Variants in PKD1L1 observed in about 807,000 individuals in gnomAD.
PKD1L1 encodes the protein polycystin 1 like 1, transient receptor potential channel interacting, also known as polycystin-1-like protein 1.
In PKD1L1, 236 loss-of-function variants were observed where a neutral mutation model predicts 323.4. The observed-to-expected ratio is 0.73, with a 90% CI of 0.66 to 0.81. The LOEUF (loss-of-function observed/expected upper bound fraction) is 0.81. PKD1L1 is among the 40% of genes least tolerant of loss of function. PKD1L1 has a pLI of 0.00. For synonymous variants in PKD1L1, 1,344 were observed against 1,335.0 expected (o/e 1.01, Z -0.15); for missense variants, 3,320 against 3,508.0 (o/e 0.95, Z 1.35).
At chr7:47,952,668 C>T (rs1053978291), upstream of PKD1L1, among the ~76,000 whole-genome samples, 25 of 152,216 alleles carry the variant, frequency 1.6e-4, no homozygotes, top group African/African-American at 5.8e-4. Flanking sequence ...CTGTGAGGCT[C>T]AATAGTAGCT....
At chr7:47,916,838 C>G (rs550868671) in intron 7 of PKD1L1, among the ~76,000 whole-genome samples, 1 of 152,154 alleles carries the variant, frequency 6.6e-6, no homozygotes. Context: ...AGCCTTCAGC[C>G]CTAGACCTTC....
rs141794108 is a variant in PKD1L1, at chr7:47,907,255, C to T, written c.1402+822G>A. 5.4e-4 allele frequency among the ~76,000 whole-genome samples: 82 copies of T among 152,342 alleles called. 1 individual carries two copies. The highest frequency in any genetic ancestry group is 1.8e-3 in the African/African-American group (73 of 41,586). On this transcript the variant is annotated intron_variant, in intron 9 of 56. Transcript: ENST00000289672. ...TCTTACATGGATGAGTTCACTGAGA[C>T]TCATCCCTTCATTGGATCCTCCTTT...
Position 47,853,108 on chromosome 7 carries a change from AG to A in PKD1L1, c.4960+18del, listed in dbSNP as rs1446748399. 2.0e-6 allele frequency: 3 copies of A among 1,532,194 alleles called. No homozygotes were observed. Among genetic ancestry groups the A allele is most frequent in the African/African-American group, 2.7e-5 (2 of 73,056 alleles). The allele number at this position is 1,532,194 out of a possible 1,614,324, so 94.9% of individuals were successfully genotyped here. A position where few individuals can be genotyped will look rare whatever the true frequency, so the allele number is the denominator to read the frequency against. On this transcript the variant is annotated intron_variant, in intron 31 of 56. Coordinates refer to ENST00000289672, the MANE Select transcript of PKD1L1 (RefSeq NM_138295.5). The stretch of plus-strand genomic sequence containing the variant: ...ATCATGTAAACAGAAAGGGAAAATA[AG>A]GCGCCCTGTTCACTGACCTTTCTGA...
chr7:47,874,089 T>G, intron 23 of PKD1L1, 79 bp from the exon 24 acceptor site: 1 of 873,360 alleles, frequency 1.1e-6, no homozygotes, highest in Non-Finnish European at 1.8e-6. Flanking sequence ...AGACAGCATC[T>G]TCTGGATGAC....
chr7:47,808,241 G>A lies in PKD1L1; in HGVS notation c.7827+6C>T, dbSNP rs145827073. On this transcript the variant is annotated splice_donor_region_variant and intron_variant, in intron 52 of 56. Transcript: ENST00000289672. ...CTATCTGCATGGCCCTGAGCACACCGTGTACCTGATTCCATGATGCCATAA... is the reference window on the plus strand; with the variant it reads ...CTATCTGCATGGCCCTGAGCACACCATGTACCTGATTCCATGATGCCATAA... 3,356 of 1,614,056 alleles carry A rather than the reference G, an allele frequency of 2.1e-3. 9 individuals are homozygous for A. The highest frequency in any genetic ancestry group is 0.011 in the Middle Eastern group (67 of 6,054).
chr7:47,896,934 G>A (rs548635747), intron 14 of PKD1L1, among the ~76,000 whole-genome samples: 27 of 152,180 alleles, frequency 1.8e-4, no homozygotes, highest in African/African-American at 6.3e-4. Context: ...TTTCCTACTC[G>A]TTCCCAATCA....
intron 1 of PKD1L1, among the ~76,000 whole-genome samples, chr7:47,944,311 C>G (rs1788055025): frequency 6.6e-6 from 1 of 152,140 alleles, no homozygotes; most frequent in African/African-American, 2.4e-5. Flanking sequence ...CACCTGCTCC[C>G]CCTTCACCTT....
intron 26 of PKD1L1, among the ~76,000 whole-genome samples, chr7:47,863,568 C>A (rs1325069992): frequency 6.6e-6 from 1 of 152,036 alleles, no homozygotes; most frequent in Non-Finnish European, 1.5e-5. Flanking sequence ...TAGAGAAGAG[C>A]GTGTCCCCCA....
At chr7:47,907,596 T>A (rs1440376460) in intron 9 of PKD1L1, among the ~76,000 whole-genome samples, 1 of 152,214 alleles carries the variant, frequency 6.6e-6, no homozygotes, top group Non-Finnish European at 1.5e-5. Context: ...AGTGTGCACC[T>A]GGCACACTCA....
chr7:47,846,328 T>C (rs1230069162), intron 32 of PKD1L1, among the ~76,000 whole-genome samples: 3 of 152,212 alleles, frequency 2.0e-5, no homozygotes, highest in Non-Finnish European at 4.4e-5. Flanking sequence ...TTTAGTGACA[T>C]GACTCATATG....
chr7:47,926,676 G>A (rs912709093), intron 7 of PKD1L1, among the ~76,000 whole-genome samples: 9 of 152,150 alleles, frequency 5.9e-5, no homozygotes, highest in African/African-American at 2.2e-4. Context: ...AAAGGAACAA[G>A]CAAAAATGGC....
At chr7:47,845,249 G>C (rs1785641976) in intron 32 of PKD1L1, among the ~76,000 whole-genome samples, 171 bp from the exon 33 acceptor site, 1 of 152,248 alleles carries the variant, frequency 6.6e-6, no homozygotes, top group Non-Finnish European at 1.5e-5. Flanking sequence ...TTAGAAATGA[G>C]GGACACTTCT....
chr7:47,905,253 T>A lies in PKD1L1; in HGVS notation c.1595A>T (p.Glu532Val). 1.2e-6 allele frequency: 2 copies of A among 1,614,164 alleles called. No individual in the cohort carries two copies. The highest frequency in any genetic ancestry group is 1.3e-5 in the African/African-American group (1 of 75,058). Residue 532 changes from glutamate to valine, a missense_variant, in exon 11 of 57, where the codon GAA becomes GTA. By Grantham distance (121) the Glu-to-Val change is moderately radical (BLOSUM62 -2). Coordinates refer to ENST00000289672, the MANE Select transcript of PKD1L1 (RefSeq NM_138295.5). ...TDITFTAVTK[E>V]TIPLEFEWYF... ...CCACTCAAATTCCAGGGGTATTGTT[T>A]CCTTGGTAACAGCTGTAAATGTAAT...
chr7:47,935,432 T>C (rs1298089164), intron 4 of PKD1L1, among the ~76,000 whole-genome samples: 1 of 152,156 alleles, frequency 6.6e-6, no homozygotes, highest in Non-Finnish European at 1.5e-5. Context: ...GTAGGCATAT[T>C]GTTAGCAAAA....
chr7:47,779,932 G>T (rs80062284), intron 56 of PKD1L1, among the ~76,000 whole-genome samples: 6,631 of 152,236 alleles, frequency 0.044, 248 homozygotes, highest in South Asian at 0.13. Flanking sequence ...TCTCTTGTTT[G>T]CTAGGAAAAA....
intron 51 of PKD1L1, chr7:47,809,245 T>C (rs761309838): frequency 1.2e-5 from 5 of 410,722 alleles, no homozygotes; most frequent in Non-Finnish European, 1.7e-5. Flanking sequence ...TAAGATCTTA[T>C]GGGACCACCA....
intron 56 of PKD1L1, among the ~76,000 whole-genome samples, chr7:47,782,450 T>G (rs556608700): frequency 3.2e-4 from 49 of 152,306 alleles, no homozygotes; most frequent in Non-Finnish European, 6.0e-4. Flanking sequence ...AGGTCTCTAC[T>G]TTTTCAAGGA....
chr7:47,953,011 A>G (rs1308972386), upstream of PKD1L1, among the ~76,000 whole-genome samples: 1 of 152,178 alleles, frequency 6.6e-6, no homozygotes, highest in African/African-American at 2.4e-5. Context: ...CTTGGAGTGT[A>G]GGGGAACATA....
At chr7:47,917,296 G>A (rs138767352) in intron 7 of PKD1L1, among the ~76,000 whole-genome samples, 19 of 152,140 alleles carry the variant, frequency 1.2e-4, no homozygotes, top group African/African-American at 4.1e-4. Context: ...GAATAAGAAA[G>A]TAAGAACAAA....
Sources: gnomAD v4.1 joint callset for allele counts (sites outside exome capture counted in the v4.1 genomes callset) on GRCh38, gnomAD v4.1.1 for gene constraint, MANE v1.5 for transcripts, NCBI Gene and HGNC (gene_info 2026-07-23, HGNC 2026-07-21) for gene names.